The following METTL15 variants were observed in gnomAD, a reference collection of about 807,000 sequenced individuals.
METTL15 encodes 12S rRNA N(4)-cytidine methyltransferase METTL15.
METTL15 carries 34 observed loss-of-function variants against 38.3 expected under a neutral mutation model. That is an observed-to-expected ratio of 0.89 (90% confidence interval 0.68 to 1.18). The LOEUF (loss-of-function observed/expected upper bound fraction) is 1.18, where lower values mean the gene tolerates loss of function less well. Ranked by LOEUF, METTL15 falls within the 50% of genes most tolerant of loss-of-function variation. The pLI is 0.00. For missense variants in METTL15, 438 were observed against 498.4 expected, an observed-to-expected ratio of 0.88 and a Z score of 1.15; for synonymous variants, 162 against 170.9, an observed-to-expected ratio of 0.95 and a Z score of 0.41.
chr11:28,242,222 A>G (rs1854330534), intron 4 of METTL15, among the ~76,000 whole-genome samples: 1 of 152,254 alleles, frequency 6.6e-6, no homozygotes, highest in Admixed American at 6.5e-5. Context: ...ATTATTAAGT[A>G]TTCATTCATG....
Position 28,433,167 on chromosome 11 carries a change from TTTTTG to T in METTL15, c.*424+8808_*424+8812del, listed in dbSNP as rs1564930345. ...ACTTCTCTCAGGTTTTGTTTTGTTTTTTTTGTTTTTTTTTGGCTCTGTCATTAGTA... is the reference window on the plus strand; with the variant it reads ...ACTTCTCTCAGGTTTTGTTTTGTTTTTTTTTTTTTGGCTCTGTCATTAGTA... On this transcript the variant is annotated intron_variant and NMD_transcript_variant, in intron 6 of 7. Coordinates refer to the METTL15 transcript ENST00000532947. Among the ~76,000 whole-genome samples the T allele has an allele frequency of 4.4e-5, 5 of 114,010 alleles. No homozygotes were observed. The East Asian group carries it at 1.1e-3, about 26-fold the overall frequency. 74.8% of individuals were successfully genotyped at this position (114,010 alleles called of 152,430 possible).
chr11:28,303,064 A>G (rs1856965015), intron 6 of METTL15, among the ~76,000 whole-genome samples: 2 of 152,160 alleles, frequency 1.3e-5, no homozygotes, highest in African/African-American at 2.4e-5. Context: ...ATCCCTTTGA[A>G]TAAAGAAATC....
intron 5 of METTL15, among the ~76,000 whole-genome samples, chr11:28,382,096 C>A (rs1564913948): frequency 1.3e-5 from 2 of 152,154 alleles, no homozygotes; most frequent in Non-Finnish European, 2.9e-5. Flanking sequence ...TAGATCACTA[C>A]CTCTTTGAGC....
chr11:28,236,641 A>G (rs1381178261), intron 4 of METTL15, among the ~76,000 whole-genome samples: 1 of 152,154 alleles, frequency 6.6e-6, no homozygotes, highest in African/African-American at 2.4e-5. Context: ...TGATCCTGCC[A>G]TTATGATGTT....
chr11:28,219,984 T>C (rs1194888274), intron 4 of METTL15, among the ~76,000 whole-genome samples: 1 of 152,202 alleles, frequency 6.6e-6, no homozygotes, highest in Non-Finnish European at 1.5e-5. Flanking sequence ...TTTCCAACTA[T>C]GTGGTCAATT....
At chr11:28,460,109 T>G (rs1851201791) in intron 6 of METTL15, among the ~76,000 whole-genome samples, 1 of 151,974 alleles carries the variant, frequency 6.6e-6, no homozygotes, top group Non-Finnish European at 1.5e-5. Context: ...ATAAGATAAA[T>G]TATTTATCAT....
chr11:28,361,165 G>T (rs1850135081), intron 4 of METTL15, among the ~76,000 whole-genome samples: 1 of 150,740 alleles, frequency 6.6e-6, no homozygotes, highest in Non-Finnish European at 1.5e-5. Flanking sequence ...AGTCCTTTGG[G>T]TATATACCCA....
At chr11:28,273,088 T>C (rs1417895153) in intron 4 of METTL15, among the ~76,000 whole-genome samples, 3 of 152,212 alleles carry the variant, frequency 2.0e-5, no homozygotes, top group African/African-American at 7.2e-5. Flanking sequence ...TAAAATATTC[T>C]GTGAATCATA....
chr11:28,461,780 C>G (rs1043370369), intron 6 of METTL15, among the ~76,000 whole-genome samples: 5 of 152,020 alleles, frequency 3.3e-5, no homozygotes, highest in Admixed American at 2.6e-4. Context: ...AGATTTGTGA[C>G]ATGTATATAT....
chr11:28,471,026 G>A (rs1851299184), intron 6 of METTL15, among the ~76,000 whole-genome samples: 2 of 152,052 alleles, frequency 1.3e-5, no homozygotes, highest in Non-Finnish European at 2.9e-5. Context: ...GATTCAGTCA[G>A]CTCAGCTGGG....
chr11:28,240,768 A>G (rs1854259730), intron 4 of METTL15, among the ~76,000 whole-genome samples: 1 of 152,198 alleles, frequency 6.6e-6, no homozygotes, highest in African/African-American at 2.4e-5. Flanking sequence ...GATGTTAAGA[A>G]AATTTAAAAA....
At position 28,339,596 on chromosome 11, in the gene METTL15, T is replaced by C. The variant is rs192213798; in HGVS notation, c.*190-12494T>C. ...AATGAGAAGTCTAACTCAGGTGTAA[T>C]TGGCCTCCCAAAAAGAGAGATGACC... is the stretch of plus-strand genomic sequence containing the variant. On this transcript the variant is annotated intron_variant and NMD_transcript_variant, in intron 3 of 7. Coordinates refer to the METTL15 transcript ENST00000532947. 3.4e-5 allele frequency among the ~76,000 whole-genome samples: 5 copies of C among 148,858 alleles called. No individual in the cohort carries two copies. The South Asian group carries it at 6.3e-4, about 19-fold the overall frequency.
chr11:28,225,460 A>T (rs1853438129), intron 4 of METTL15, among the ~76,000 whole-genome samples: 2 of 151,712 alleles, frequency 1.3e-5, no homozygotes, highest in African/African-American at 2.4e-5. Flanking sequence ...AACTTGATAG[A>T]GTATAGAATT....
At chr11:28,319,859 T>G (rs1313852801) in intron 6 of METTL15, among the ~76,000 whole-genome samples, 1 of 152,184 alleles carries the variant, frequency 6.6e-6, no homozygotes, top group African/African-American at 2.4e-5. Flanking sequence ...GCATGTTGCA[T>G]TTCCCAGACT....
rs200007792 is a variant in METTL15 at position 28,318,701 on chromosome 11, ATC to A, written c.779-11693_779-11692del. Among the ~76,000 whole-genome samples the A allele has an allele frequency of 7.7e-3, 1,175 of 152,276 alleles. 67 individuals are homozygous for A. Among genetic ancestry groups the A allele is most frequent in the Admixed American group, 0.067 (1,025 of 15,284 alleles). On this transcript the variant is annotated intron_variant, in intron 6 of 6. Coordinates refer to ENST00000407364, the MANE Select transcript of METTL15 (RefSeq NM_001113528.2). ...ATTTGTATACAAGCTTGTTCTCCTC[ATC>A]TTGCTTAACTGGAGAATATTAAGCA...
intron 5 of METTL15, among the ~76,000 whole-genome samples, chr11:28,371,162 T>G (rs1850239483): frequency 6.6e-6 from 1 of 152,072 alleles, no homozygotes; most frequent in Admixed American, 6.6e-5. Flanking sequence ...TGTTTTCTTC[T>G]AATGGTTTCA....
At chr11:28,495,098 G>T (rs1851525569) in intron 6 of METTL15, among the ~76,000 whole-genome samples, 1 of 152,130 alleles carries the variant, frequency 6.6e-6, no homozygotes, top group Non-Finnish European at 1.5e-5. Flanking sequence ...TATTACATCA[G>T]TTATTGTGTT....
chr11:28,214,566 C>T (rs1450238188), intron 4 of METTL15, among the ~76,000 whole-genome samples: 3 of 152,086 alleles, frequency 2.0e-5, no homozygotes, highest in Non-Finnish European at 4.4e-5. Context: ...GCTAGCTATT[C>T]TTATTTAAAT....
intron 3 of METTL15, among the ~76,000 whole-genome samples, chr11:28,338,863 A>AT (rs957155979): frequency 1.3e-5 from 2 of 152,084 alleles, no homozygotes; most frequent in African/African-American, 4.8e-5. Context: ...TGGACAAAAT[A>AT]TTTTTTGTAA....
Sources: allele counts gnomAD v4.1 joint callset (sites outside exome capture counted in the v4.1 genomes callset), GRCh38; gene constraint gnomAD v4.1.1; transcripts MANE v1.5; gene names NCBI Gene and HGNC (gene_info 2026-07-23, HGNC 2026-07-21).